DOCK9: variants seen among roughly 807,000 people sequenced by gnomAD.
The protein encoded by DOCK9 is dedicator of cytokinesis protein 9.
DOCK9 carries 89 observed loss-of-function variants against 263.3 expected under a neutral mutation model. The ratio of observed to expected loss-of-function variants is 0.34; its 90% CI spans 0.28 to 0.40. The LOEUF is 0.40. Among genes scored for constraint, DOCK9 ranks in the 10% least tolerant of loss-of-function variants. The pLI, the probability that DOCK9 is intolerant of heterozygous loss-of-function variation, is 1.00. For missense variants in DOCK9, 2,140 were observed against 2,603.4 expected, an observed-to-expected ratio of 0.82 and a Z score of 3.87; for synonymous variants, 976 against 973.1, an observed-to-expected ratio of 1.00 and a Z score of -0.06.
At chr13:98,989,731 C>G (rs1177349928) in intron 1 of DOCK9, among the ~76,000 whole-genome samples, 1 of 152,084 alleles carries the variant, frequency 6.6e-6, no homozygotes, top group African/African-American at 2.4e-5. Context: ...AGCCTTATTC[C>G]AAATGCCATG....
At chr13:99,086,594 C>G (rs1185760255) in exon 1 of DOCK9, 1 of 148,780 alleles carries the variant, frequency 6.7e-6, no homozygotes, top group East Asian at 2.0e-4. Flanking sequence ...CAGCAGCGCC[C>G]GGGCTCGCTC....
chr13:98,845,988 T>C lies in DOCK9; in HGVS notation c.4134A>G (p.Thr1378=). The C allele has an allele frequency of 6.2e-7, 1 of 1,612,174 alleles. No individual in the cohort carries two copies. Among genetic ancestry groups the C allele is most frequent in the Non-Finnish European group, 8.5e-7 (1 of 1,179,166 alleles). The change falls in exon 38 of 53, where the codon ACA becomes ACG. Residue 1378 remains threonine (T), a synonymous_variant. Coordinates refer to ENST00000682017, the MANE Select transcript of DOCK9 (RefSeq NM_001366683.2). ...GCTGCAATCTGGCATGCATCATTCC[T>C]GTTCTGTTACGGGAAACAGGCAATG... is the stretch of plus-strand genomic sequence containing the variant. ...SQTLPVSRNR[T]GMMHARLQQL...
chr13:98,992,383 C>T (rs1221290062), intron 1 of DOCK9, among the ~76,000 whole-genome samples: 1 of 152,184 alleles, frequency 6.6e-6, no homozygotes, highest in Non-Finnish European at 1.5e-5. Context: ...AGGCCCTCCT[C>T]GGAGCTACCA....
At chr13:99,055,462 A>G (rs977045341) in intron 1 of DOCK9, among the ~76,000 whole-genome samples, 1 of 152,190 alleles carries the variant, frequency 6.6e-6, no homozygotes, top group African/African-American at 2.4e-5. Flanking sequence ...GGAAGGGGGC[A>G]TCGCACCTAA....
chr13:98,910,892 T>C (rs1380864790), intron 9 of DOCK9, among the ~76,000 whole-genome samples: 1 of 144,130 alleles, frequency 6.9e-6, no homozygotes, highest in African/African-American at 2.4e-5. Context: ...CTTCAGTCTC[T>C]GATTCTGTAA....
At chr13:98,978,484 C>T (rs957151757), upstream of DOCK9, among the ~76,000 whole-genome samples, 2 of 152,162 alleles carry the variant, frequency 1.3e-5, no homozygotes, top group East Asian at 1.9e-4. Context: ...GCCTGCACCT[C>T]GTGGATACAG....
rs762344306 is a variant in DOCK9, at chr13:98,915,425, C to A, written c.796G>T (p.Val266Leu). 77 of 1,613,878 alleles carry A rather than the reference C, an allele frequency of 4.8e-5. No homozygotes were observed. Among genetic ancestry groups the A allele is most frequent in the Non-Finnish European group, 6.4e-5 (76 of 1,179,886 alleles). ...SSYLLAADSEVEMEEWITILN... is the reference protein window; with the variant it reads ...SSYLLAADSELEMEEWITILN... ...ATTGTGATCCATTCTTCCATTTCCA[C>A]TTCACTGTCTGCTGCCAAGAGATAA... The change falls in exon 8 of 53, where the codon GTG (valine) becomes TTG (leucine). Residue 266 changes from valine to leucine, a missense_variant. Val to Leu is a conservative substitution (Grantham distance 32). Coordinates refer to ENST00000682017, the MANE Select transcript of DOCK9 (RefSeq NM_001366683.2).
At chr13:98,946,985 T>C (rs1275852677) in intron 2 of DOCK9, among the ~76,000 whole-genome samples, 1 of 152,240 alleles carries the variant, frequency 6.6e-6, no homozygotes, top group Non-Finnish European at 1.5e-5. Flanking sequence ...TCCGTCATGC[T>C]CTCGGCCCCT....
intron 1 of DOCK9, among the ~76,000 whole-genome samples, chr13:98,968,900 C>A (rs2141286590): frequency 6.6e-6 from 1 of 152,334 alleles, no homozygotes; most frequent in East Asian, 1.9e-4. Context: ...CTCTTTCTCC[C>A]TGGAAGAGCC....
Position 98,902,280 on chromosome 13 carries a change from C to T in DOCK9, c.1380+8G>A, listed in dbSNP as rs1595139263. 1 of 1,612,810 alleles carries T rather than the reference C, an allele frequency of 6.2e-7. No individual in the cohort carries two copies. Among genetic ancestry groups the T allele is most frequent in the Non-Finnish European group, 8.5e-7 (1 of 1,179,532 alleles). ...GAGTAGTGGGAATGCTGGGCTCATACTCCCCACCTGCTTCGGATACTGCAT... is the reference window on the plus strand; with the variant it reads ...GAGTAGTGGGAATGCTGGGCTCATATTCCCCACCTGCTTCGGATACTGCAT... On this transcript the variant is annotated splice_region_variant and intron_variant, in intron 12 of 52. Transcript: ENST00000682017.
intron 2 of DOCK9, among the ~76,000 whole-genome samples, chr13:98,948,754 C>T (rs2057031893): frequency 6.6e-6 from 1 of 152,178 alleles, no homozygotes; most frequent in Non-Finnish European, 1.5e-5. Flanking sequence ...CTTTCTGCCT[C>T]TAATGAATTT....
intron 47 of DOCK9, chr13:98,809,017 T>C (rs2091019359): frequency 2.2e-6 from 3 of 1,372,304 alleles, no homozygotes; most frequent in Non-Finnish European, 2.9e-6. Context: ...TTTTTGGAGT[T>C]TGTAATAACT....
At chr13:98,851,637 T>C (rs2093574693) in intron 35 of DOCK9, among the ~76,000 whole-genome samples, 1 of 152,196 alleles carries the variant, frequency 6.6e-6, no homozygotes, top group African/African-American at 2.4e-5. Context: ...GGGCCCAGCA[T>C]GTAGAAGGTG....
chr13:99,013,098 T>C (rs1232582532), intron 1 of DOCK9, among the ~76,000 whole-genome samples: 1 of 152,120 alleles, frequency 6.6e-6, no homozygotes, highest in Non-Finnish European at 1.5e-5. Context: ...CCAGGTATCA[T>C]GAATCTGATT....
chr13:98,842,960 C>G (rs1227333480), intron 38 of DOCK9, among the ~76,000 whole-genome samples: 1 of 152,208 alleles, frequency 6.6e-6, no homozygotes, highest in Non-Finnish European at 1.5e-5. Context: ...AAGACAGGTT[C>G]TTGCTGGAGT....
chr13:98,968,861 G>A (rs1031746577), intron 1 of DOCK9, among the ~76,000 whole-genome samples: 70 of 152,314 alleles, frequency 4.6e-4, no homozygotes, highest in African/African-American at 1.6e-3. Flanking sequence ...ACATTCTCCA[G>A]TGTCTCCAAT....
Position 99,085,842 on chromosome 13 carries a change from G to A in DOCK9, c.129+381C>T, listed in dbSNP as rs1237277007. ...AAAACATGGAAGGAGAGGGAGGCCG[G>A]GGGAGGGATACGGGGGAGGGATGCG... On this transcript the variant is annotated intron_variant, in intron 1 of 32. Coordinates refer to the DOCK9 transcript ENST00000427887. 1.2e-4 allele frequency among the ~76,000 whole-genome samples: 18 copies of A among 146,736 alleles called. 1 individual carries two copies. Among genetic ancestry groups the A allele is most frequent in the African/African-American group, 3.5e-4 (13 of 36,726 alleles).
At chr13:99,002,329 A>T (rs1477193018) in intron 1 of DOCK9, among the ~76,000 whole-genome samples, 2 of 152,044 alleles carry the variant, frequency 1.3e-5, no homozygotes, top group African/African-American at 4.8e-5. Flanking sequence ...CTTGAACATA[A>T]ATTTCTCAGC....
chr13:98,799,838 T>C (rs1237954414), intron 50 of DOCK9, among the ~76,000 whole-genome samples: 12 of 152,130 alleles, frequency 7.9e-5, no homozygotes, highest in Admixed American at 5.2e-4. Context: ...AATTGATTGA[T>C]TGGGCTATAT....
Sources: allele counts gnomAD v4.1 joint callset (sites outside exome capture counted in the v4.1 genomes callset), GRCh38; gene constraint gnomAD v4.1.1; transcripts MANE v1.5; gene names NCBI Gene and HGNC (gene_info 2026-07-23, HGNC 2026-07-21).